KLHL29: variants seen among roughly 807,000 people sequenced by gnomAD.
The protein encoded by KLHL29 is kelch like family member 29, also known as kelch-like protein 29.
KLHL29 carries 21 observed loss-of-function variants against 80.4 expected under a neutral mutation model. That is an observed-to-expected ratio of 0.26 (90% CI 0.19 to 0.38). KLHL29 has a LOEUF of 0.38. KLHL29 is among the 10% of genes least tolerant of loss of function. KLHL29 has a pLI of 1.00. For synonymous variants in KLHL29, 511 were observed against 526.8 expected (o/e 0.97, Z 0.41); for missense variants, 867 against 1,223.9 (o/e 0.71, Z 4.35).
At chr2:23,594,248 A>G (rs1032219144) in intron 3 of KLHL29, among the ~76,000 whole-genome samples, 2 of 152,074 alleles carry the variant, frequency 1.3e-5, no homozygotes, top group Non-Finnish European at 2.9e-5. Flanking sequence ...TGGAACATGC[A>G]GCGATTTCAT....
chr2:23,469,179 G>T (rs189207991), intron 1 of KLHL29, among the ~76,000 whole-genome samples: 155 of 152,332 alleles, frequency 1.0e-3, no homozygotes, highest in Admixed American at 2.5e-3. Flanking sequence ...TTTTAAAGGG[G>T]CAATGCCCCT....
At chr2:23,597,427 T>C (rs1199221321) in intron 3 of KLHL29, among the ~76,000 whole-genome samples, 1 of 99,708 alleles carries the variant, frequency 1.0e-5, no homozygotes, top group Non-Finnish European at 2.0e-5. Context: ...TTTTTTTTTT[T>C]TTTTTTTTTT....
intron 2 of KLHL29, among the ~76,000 whole-genome samples, chr2:23,537,312 T>C (rs1156635376): frequency 1.3e-5 from 2 of 152,068 alleles, no homozygotes; most frequent in African/African-American, 4.8e-5. Flanking sequence ...CCCTTTTGCC[T>C]TCTCCATCAT....
chr2:23,387,817 A>G (rs1382288736), intron 1 of KLHL29, among the ~76,000 whole-genome samples: 1 of 152,236 alleles, frequency 6.6e-6, no homozygotes, highest in Non-Finnish European at 1.5e-5. Flanking sequence ...GGGAATTACT[A>G]GCACATGTGC....
At chr2:23,481,810 G>A (rs542398657) in intron 2 of KLHL29, among the ~76,000 whole-genome samples, 78 of 152,262 alleles carry the variant, frequency 5.1e-4, no homozygotes, top group African/African-American at 1.8e-3. Context: ...CCAACTGTTC[G>A]GGAGGCTGAG....
chr2:23,439,565 T>C (rs961267532), intron 1 of KLHL29, among the ~76,000 whole-genome samples: 2 of 152,156 alleles, frequency 1.3e-5, no homozygotes, highest in African/African-American at 4.8e-5. Flanking sequence ...CATTTCGTTA[T>C]GTACCCAGTA....
At chr2:23,616,538 C>T (rs1431565056) in intron 3 of KLHL29, 1 of 152,052 alleles carries the variant, frequency 6.6e-6, no homozygotes, top group East Asian at 1.9e-4. Flanking sequence ...AAAAAGAAAC[C>T]GTTTCAATCA....
chr2:23,399,335 T>C (rs1666531813), intron 1 of KLHL29, among the ~76,000 whole-genome samples: 1 of 152,248 alleles, frequency 6.6e-6, no homozygotes, highest in East Asian at 1.9e-4. Context: ...ATAGTGTGCA[T>C]GCACTTAATG....
intron 2 of KLHL29, among the ~76,000 whole-genome samples, chr2:23,493,824 A>C (rs6742202): frequency 0.26 from 38,979 of 152,090 alleles, 5,205 homozygotes; most frequent in Admixed American, 0.34. Context: ...TTCTGGGTCA[A>C]ATATTTAGGA....
chr2:23,431,179 A>C (rs1185217463), intron 1 of KLHL29, among the ~76,000 whole-genome samples: 1 of 152,192 alleles, frequency 6.6e-6, no homozygotes, highest in Non-Finnish European at 1.5e-5. Context: ...GTGTATGTGG[A>C]GTCCATGGCA....
chr2:23,556,487 C>CA (rs754825728), intron 2 of KLHL29, among the ~76,000 whole-genome samples: 84 of 148,540 alleles, frequency 5.7e-4, no homozygotes, highest in Middle Eastern at 3.5e-3. Flanking sequence ...AAAAAAAAAA[C>CA]AAAAAAAATA....
intron 5 of KLHL29, among the ~76,000 whole-genome samples, chr2:23,677,708 G>T (rs1282979543): frequency 6.6e-6 from 1 of 152,334 alleles, no homozygotes; most frequent in Middle Eastern, 3.4e-3. Context: ...GCAGCGGGAC[G>T]TTCTGTTTGT....
At chr2:23,688,831 G>A (rs1671401249) in intron 6 of KLHL29, 1 of 152,332 alleles carries the variant, frequency 6.6e-6, no homozygotes, top group Non-Finnish European at 1.5e-5. Context: ...GGGCCCGGTA[G>A]GACAGGACAA....
intron 1 of KLHL29, among the ~76,000 whole-genome samples, chr2:23,438,679 T>C (rs1009850398): frequency 1.3e-5 from 2 of 149,912 alleles, no homozygotes; most frequent in Admixed American, 6.7e-5. Context: ...TCGTGGTGGA[T>C]AAGCTTTTTG....
In KLHL29 at chr2:23,605,441, C is replaced by T. The variant is rs1668684845; in HGVS notation, c.286-33698C>T. Among the ~76,000 whole-genome samples, 3 of 152,100 alleles carry T rather than the reference C, an allele frequency of 2.0e-5. No homozygotes were observed. The South Asian group carries it at 6.2e-4, about 32-fold the overall frequency. ...CGACTTCCACGCGGCTCTTGTATCA[C>T]AGCTGAAGGAGGCTTCATAGGGCCC... On this transcript the variant is annotated intron_variant, in intron 3 of 13. Transcript: ENST00000486442.
chr2:23,422,039 G>T (rs1166284249), intron 1 of KLHL29, among the ~76,000 whole-genome samples: 1 of 151,774 alleles, frequency 6.6e-6, no homozygotes, highest in African/African-American at 2.4e-5. Context: ...GTCTGTGTGT[G>T]TTCATGTGTT....
intron 5 of KLHL29, among the ~76,000 whole-genome samples, chr2:23,657,233 G>A (rs550680782): frequency 5.3e-5 from 8 of 152,284 alleles, no homozygotes; most frequent in South Asian, 2.1e-4. Context: ...TTAAATGTAC[G>A]GAATTCCCCC....
intron 5 of KLHL29, 153 bp downstream of exon 5, chr2:23,643,003 G>C: frequency 2.2e-6 from 2 of 907,138 alleles, no homozygotes; most frequent in Non-Finnish European, 1.8e-6. Flanking sequence ...ACCTGCCCAA[G>C]ACAACTGGCC....
intron 1 of KLHL29, among the ~76,000 whole-genome samples, chr2:23,474,220 T>C (rs11682168): frequency 0.044 from 6,689 of 152,268 alleles, 166 homozygotes; most frequent in African/African-American, 0.05. Flanking sequence ...TCCCAGTGCC[T>C]TGAACATACT....
Sources: gnomAD v4.1 joint callset for allele counts (sites outside exome capture counted in the v4.1 genomes callset) on GRCh38, gnomAD v4.1.1 for gene constraint, MANE v1.5 for transcripts, NCBI Gene and HGNC (gene_info 2026-07-23, HGNC 2026-07-21) for gene names.